SKA2: variants seen among roughly 807,000 people sequenced by gnomAD.
The protein encoded by SKA2 is spindle and kinetochore-associated protein 2.
In SKA2, 13 loss-of-function variants were observed where a neutral mutation model predicts 16.9. That is an observed-to-expected ratio of 0.77 (90% CI 0.50 to 1.22). The LOEUF is 1.22. Ranked by LOEUF, SKA2 falls within the 50% of genes most tolerant of loss-of-function variation. The probability of loss-of-function intolerance (pLI) is 0.00; values close to 1 mark genes in which losing one functional copy is unlikely to be tolerated. For missense variants in SKA2, 107 were observed against 139.7 expected, an observed-to-expected ratio of 0.77 and a Z score of 1.18; for synonymous variants, 47 against 48.5, an observed-to-expected ratio of 0.97 and a Z score of 0.13.
Position 59,110,402 on chromosome 17 carries a change from A to G in SKA2, c.*1875T>C, listed in dbSNP as rs2046255840. The G allele has an allele frequency of 6.6e-6, 1 of 152,194 alleles. No homozygotes were observed. Among genetic ancestry groups the G allele is most frequent in the Non-Finnish European group, 1.5e-5 (1 of 68,036 alleles). 9.4% of individuals were successfully genotyped at this position (152,194 alleles called of 1,614,324 possible). A position where few individuals can be genotyped will look rare whatever the true frequency, so the allele number is the denominator to read the frequency against. Reference sequence around the variant, plus strand: ...ATCCCAACAATCATCATCACATCCCAGAGCCATCTCATGACAAGAGCTTTC... The same window carrying G: ...ATCCCAACAATCATCATCACATCCCGGAGCCATCTCATGACAAGAGCTTTC... On this transcript the variant is annotated 3_prime_UTR_variant, in exon 4 of 4. Coordinates refer to ENST00000330137, the MANE Select transcript of SKA2 (RefSeq NM_182620.4).
chr17:59,148,051 C>T (rs1476032921), intron 1 of SKA2, among the ~76,000 whole-genome samples: 1 of 151,860 alleles, frequency 6.6e-6, no homozygotes, highest in Non-Finnish European at 1.5e-5. Flanking sequence ...ACCATGTTGG[C>T]CAGGCTGGTC....
At chr17:59,116,816 T>TTTTTTTTC (rs2046299603) in intron 3 of SKA2, among the ~76,000 whole-genome samples, 1 of 133,990 alleles carries the variant, frequency 7.5e-6, no homozygotes, top group Non-Finnish European at 1.6e-5. Flanking sequence ...TTGGCTTTTT[T>TTTTTTTTC]TTTTTTTTTT....
At chr17:59,152,243 C>G (rs2046582885) in intron 1 of SKA2, among the ~76,000 whole-genome samples, 1 of 152,118 alleles carries the variant, frequency 6.6e-6, no homozygotes, top group Admixed American at 6.5e-5. Flanking sequence ...AAGCTTATTC[C>G]CCCATTAGTA....
chr17:59,123,145 C>G lies in SKA2; in HGVS notation c.121-3650G>C, dbSNP rs566378251. On this transcript the variant is annotated intron_variant, in intron 2 of 3. Transcript: ENST00000330137. ...AAGAAAGGAAAGCAGACACAGTATTCAATAGGGCTTATATAAAAGAGTTAC... is the reference window on the plus strand; with the variant it reads ...AAGAAAGGAAAGCAGACACAGTATTGAATAGGGCTTATATAAAAGAGTTAC... 1.2e-4 allele frequency among the ~76,000 whole-genome samples: 18 copies of G among 148,946 alleles called. No individual in the cohort carries two copies. The South Asian group carries it at 3.6e-3, about 30-fold the overall frequency.
intron 1 of SKA2, among the ~76,000 whole-genome samples, chr17:59,138,478 C>T (rs1244666461): frequency 6.6e-6 from 1 of 152,018 alleles, no homozygotes; most frequent in East Asian, 2.0e-4. Context: ...GTTGCCTAGG[C>T]TGGAGGGCAG....
chr17:59,116,299 G>A (rs1005154670), intron 3 of SKA2, among the ~76,000 whole-genome samples: 1 of 152,202 alleles, frequency 6.6e-6, no homozygotes, highest in African/African-American at 2.4e-5. Flanking sequence ...CTTGAATCCA[G>A]GAGGCGGAAG....
In SKA2 at chr17:59,140,620, T is replaced by A. The variant is rs1308333779; in HGVS notation, c.34-9253A>T. Among the ~76,000 whole-genome samples the A allele has an allele frequency of 1.3e-5, 2 of 151,866 alleles. 1 individual carries two copies. The highest frequency in any genetic ancestry group is 4.8e-5 in the African/African-American group (2 of 41,342). ...GTTTTATTTGTACTATTTATTTTTT[T>A]ATTTTTTTGAGATGGAGTCTTGCTC... On this transcript the variant is annotated intron_variant, in intron 1 of 3. Coordinates refer to ENST00000330137, the MANE Select transcript of SKA2 (RefSeq NM_182620.4).
chr17:59,151,989 G>A (rs777120968), intron 1 of SKA2, among the ~76,000 whole-genome samples: 1 of 152,134 alleles, frequency 6.6e-6, no homozygotes. Context: ...GGGGAGGTGG[G>A]ACTGAGATTT....
chr17:59,125,147 ATTTTT>A (rs10719455), intron 2 of SKA2, among the ~76,000 whole-genome samples: 1 of 95,938 alleles, frequency 1.0e-5, no homozygotes, highest in Non-Finnish European at 2.1e-5. Flanking sequence ...CTAATTTTGT[ATTTTT>A]TTTTTTTTTT....
intron 1 of SKA2, among the ~76,000 whole-genome samples, chr17:59,138,318 G>T (rs529502477): frequency 6.6e-6 from 1 of 151,886 alleles, no homozygotes; most frequent in South Asian, 2.1e-4. Context: ...AATAATTACT[G>T]GTTGAGCATC....
At position 59,109,891 on chromosome 17, in the gene SKA2, A is replaced by G. The variant is rs944954352; in HGVS notation, c.*2386T>C. On this transcript the variant is annotated 3_prime_UTR_variant, in exon 4 of 4. Transcript: ENST00000330137. ...AGAAAACAATTATAATCCAAATGAG[A>G]AACAAAAGATCTAAATTAAGGAGGT... 6.6e-5 allele frequency: 10 copies of G among 152,348 alleles called. No individual in the cohort carries two copies. The highest frequency in any genetic ancestry group is 3.4e-3 in the Middle Eastern group (1 of 294). 9.4% of individuals were successfully genotyped at this position (152,348 alleles called of 1,614,324 possible).
rs2046317294 is a variant in SKA2 at position 59,119,343 on chromosome 17, T to C, written c.273A>G (p.Lys91=). Residue 91 remains lysine (K), a synonymous_variant, in exon 3 of 4, where the codon AAA becomes AAG. Coordinates refer to ENST00000330137, the MANE Select transcript of SKA2 (RefSeq NM_182620.4). ...TVKKTMNMIQ[K]LQKQTDLELS... ...CCTCCAGGTCTGTTTGCTTCTGTAGTTTTTGTATCATATTCATAGTCTTTT... is the reference window on the plus strand; with the variant it reads ...CCTCCAGGTCTGTTTGCTTCTGTAGCTTTTGTATCATATTCATAGTCTTTT... 1.2e-6 allele frequency: 2 copies of C among 1,613,816 alleles called. No individual in the cohort carries two copies. Among genetic ancestry groups the C allele is most frequent in the Admixed American group, 3.3e-5 (2 of 59,996 alleles).
intron 2 of SKA2, among the ~76,000 whole-genome samples, chr17:59,124,653 T>C (rs1179198903): frequency 1.3e-5 from 2 of 151,880 alleles, no homozygotes; most frequent in Non-Finnish European, 2.9e-5. Context: ...AAAATAAAAG[T>C]GACAAGAACT....
At chr17:59,113,992 C>T (rs2046280652) in intron 3 of SKA2, among the ~76,000 whole-genome samples, 2 of 152,166 alleles carry the variant, frequency 1.3e-5, no homozygotes, top group Non-Finnish European at 1.5e-5. Context: ...CTCAAGCTGA[C>T]AGCAAATGGC....
At chr17:59,121,341 G>A (rs1657124239) in intron 2 of SKA2, among the ~76,000 whole-genome samples, 1 of 151,516 alleles carries the variant, frequency 6.6e-6, no homozygotes, top group African/African-American at 2.4e-5. Context: ...ACAAAGGGAA[G>A]TACCAAAATA....
intron 3 of SKA2, among the ~76,000 whole-genome samples, chr17:59,112,861 GA>G (rs1346441234): frequency 6.6e-6 from 1 of 151,928 alleles, no homozygotes. Flanking sequence ...AAATGATAAG[GA>G]AAAAAGTCTA....
chr17:59,120,834 C>T lies in SKA2; in HGVS notation c.121-1339G>A, dbSNP rs116321998. 8.7e-3 allele frequency among the ~76,000 whole-genome samples: 1,321 copies of T among 152,176 alleles called. 20 individuals carry two copies. The highest frequency in any genetic ancestry group is 0.03 in the African/African-American group (1,232 of 41,520). Reference sequence around the variant, plus strand: ...AAGAGAAAATCTCCAATCTAGAATCCTATATTCAACCAAACCACTCATCAA... The same window carrying T: ...AAGAGAAAATCTCCAATCTAGAATCTTATATTCAACCAAACCACTCATCAA... On this transcript the variant is annotated intron_variant, in intron 2 of 3. Transcript: ENST00000330137.
chr17:59,117,071 T>G, intron 3 of SKA2, among the ~76,000 whole-genome samples: 1 of 152,046 alleles, frequency 6.6e-6, no homozygotes, highest in Non-Finnish European at 1.5e-5. Flanking sequence ...CTCCTCGGCC[T>G]CCCAAAGTGC....
intron 2 of SKA2, among the ~76,000 whole-genome samples, chr17:59,124,946 G>A (rs1481579407): frequency 1.3e-5 from 2 of 151,008 alleles, no homozygotes; most frequent in Non-Finnish European, 3.0e-5. Context: ...TTTTATTTGA[G>A]TAACTGGCTG....
Sources: allele counts gnomAD v4.1 joint callset (sites outside exome capture counted in the v4.1 genomes callset), GRCh38; gene constraint gnomAD v4.1.1; transcripts MANE v1.5; gene names NCBI Gene and HGNC (gene_info 2026-07-23, HGNC 2026-07-21).